Variants in CCSER1 observed in about 807,000 individuals in gnomAD.
CCSER1 encodes the protein coiled-coil serine rich protein 1, also known as serine-rich coiled-coil domain-containing protein 1.
Under a neutral mutation model 82.0 loss-of-function variants are expected in CCSER1, and 41 were observed. That is an observed-to-expected ratio of 0.50 (90% CI 0.39 to 0.65). The LOEUF (loss-of-function observed/expected upper bound fraction) is 0.65, where lower values mean the gene tolerates loss of function less well. Ranked by LOEUF, CCSER1 falls within the 30% of genes least tolerant of loss-of-function variation. The pLI is 0.00. For missense variants in CCSER1, 1,119 were observed against 1,064.2 expected, an observed-to-expected ratio of 1.05 and a Z score of -0.72; for synonymous variants, 414 against 383.9, an observed-to-expected ratio of 1.08 and a Z score of -0.92.
intron 9 of CCSER1, among the ~76,000 whole-genome samples, chr4:90,980,450 A>G (rs1736009967): frequency 6.6e-6 from 1 of 151,804 alleles, no homozygotes; most frequent in African/African-American, 2.4e-5. Context: ...AGTAAGTTAG[A>G]GAAGAAAGTT....
At chr4:90,871,480 A>T (rs1766491215) in intron 8 of CCSER1, among the ~76,000 whole-genome samples, 1 of 151,722 alleles carries the variant, frequency 6.6e-6, no homozygotes, top group Admixed American at 6.6e-5. Flanking sequence ...GTTTTCAGAG[A>T]TCCTCTTGTT....
intron 8 of CCSER1, among the ~76,000 whole-genome samples, chr4:90,905,358 CCACACACA>C (rs3043030): frequency 2.3e-4 from 34 of 150,448 alleles, no homozygotes; most frequent in East Asian, 1.4e-3. Flanking sequence ...TCTAGTCACA[CCACACACA>C]CACACACACA....
At chr4:90,683,362 A>C (rs917095325) in intron 6 of CCSER1, among the ~76,000 whole-genome samples, 1 of 152,084 alleles carries the variant, frequency 6.6e-6, no homozygotes, top group Non-Finnish European at 1.5e-5. Flanking sequence ...AAAGAGCTCA[A>C]GCTATTTTGC....
intron 4 of CCSER1, among the ~76,000 whole-genome samples, chr4:90,453,550 G>A (rs1352529182): frequency 6.6e-6 from 1 of 152,126 alleles, no homozygotes; most frequent in Non-Finnish European, 1.5e-5. Context: ...GGCAATTGTG[G>A]CTCAGCCAAT....
chr4:90,533,272 T>C (rs2153631651), intron 5 of CCSER1, among the ~76,000 whole-genome samples: 1 of 152,054 alleles, frequency 6.6e-6, no homozygotes, highest in Non-Finnish European at 1.5e-5. Context: ...TTTTTTTGTA[T>C]TTTTAGTAGA....
chr4:91,256,449 C>A (rs1246516445), intron 10 of CCSER1, among the ~76,000 whole-genome samples: 2 of 152,114 alleles, frequency 1.3e-5, no homozygotes, highest in Non-Finnish European at 2.9e-5. Flanking sequence ...ATCTCTGTGA[C>A]CCACACCCTA....
At chr4:91,376,590 T>C (rs1289071999) in intron 10 of CCSER1, among the ~76,000 whole-genome samples, 3 of 152,098 alleles carry the variant, frequency 2.0e-5, no homozygotes, top group Non-Finnish European at 4.4e-5. Context: ...ACTATCAGAA[T>C]TATGCAAATT....
intron 9 of CCSER1, among the ~76,000 whole-genome samples, chr4:91,048,549 A>G (rs866519682): frequency 6.6e-6 from 1 of 152,112 alleles, no homozygotes. Context: ...TAGAGAATCT[A>G]TATTCCCATG....
chr4:91,296,261 G>A (rs1351998209), intron 10 of CCSER1, among the ~76,000 whole-genome samples: 7 of 151,256 alleles, frequency 4.6e-5, no homozygotes, highest in Non-Finnish European at 8.9e-5. Flanking sequence ...ATTAGAAAAA[G>A]CTTTCTAAGT....
At chr4:91,482,634 C>T (rs1578580366) in intron 10 of CCSER1, among the ~76,000 whole-genome samples, 1 of 151,990 alleles carries the variant, frequency 6.6e-6, no homozygotes, top group East Asian at 1.9e-4. Flanking sequence ...GCTATAAAGA[C>T]ACATGCACAC....
intron 6 of CCSER1, among the ~76,000 whole-genome samples, chr4:90,641,671 TG>T (rs1348478635): frequency 5.9e-5 from 9 of 152,158 alleles, no homozygotes; most frequent in East Asian, 1.9e-4. Flanking sequence ...ATTTATATGA[TG>T]TCAAAATGCA....
At chr4:91,053,060 TAAAC>T (rs1450650985) in intron 9 of CCSER1, among the ~76,000 whole-genome samples, 1 of 152,150 alleles carries the variant, frequency 6.6e-6, no homozygotes, top group Non-Finnish European at 1.5e-5. Context: ...TCAGGATGAC[TAAAC>T]AAAATAGTTT....
chr4:91,390,842 A>C (rs1751602609), intron 10 of CCSER1, among the ~76,000 whole-genome samples: 1 of 151,976 alleles, frequency 6.6e-6, no homozygotes, highest in Non-Finnish European at 1.5e-5. Flanking sequence ...AGTTCATTTT[A>C]TTTAGCTTAT....
intron 9 of CCSER1, among the ~76,000 whole-genome samples, chr4:91,077,063 CA>C (rs35632353): frequency 0.1 from 15,230 of 152,136 alleles, 1,007 homozygotes; most frequent in East Asian, 0.27. Context: ...AGGCAAAGAA[CA>C]ACTGTGAGAA....
At chr4:90,291,671 G>A (rs1022521076) in intron 1 of CCSER1, among the ~76,000 whole-genome samples, 1 of 151,888 alleles carries the variant, frequency 6.6e-6, no homozygotes, top group African/African-American at 2.4e-5. Context: ...AGCTAAATTT[G>A]TTGTATCTCC....
rs370956793 is a variant in CCSER1, at chr4:91,355,192, A to G, written c.2218-243380A>G. On this transcript the variant is annotated intron_variant, in intron 10 of 10. Transcript: ENST00000509176. The stretch of plus-strand genomic sequence containing the variant: ...ACATCTCACATAAATATGATTTTTG[A>G]CAGATATACTTTTTTTTTTTAACTG... Among the ~76,000 whole-genome samples the G allele has an allele frequency of 6.5e-3, 825 of 127,716 alleles. 5 individuals are homozygous for G. Among genetic ancestry groups the G allele is most frequent in the African/African-American group, 0.022 (794 of 35,296 alleles). 83.8% of individuals were successfully genotyped at this position (127,716 alleles called of 152,430 possible). A position where few individuals can be genotyped will look rare whatever the true frequency, so the allele number is the denominator to read the frequency against.
At chr4:90,553,641 T>C (rs1363122084) in intron 5 of CCSER1, among the ~76,000 whole-genome samples, 4 of 152,170 alleles carry the variant, frequency 2.6e-5, no homozygotes, top group Non-Finnish European at 5.9e-5. Flanking sequence ...ATGTGGGAAA[T>C]AGTTAACTCA....
At chr4:90,737,368 G>A (rs571651431) in intron 7 of CCSER1, among the ~76,000 whole-genome samples, 10 of 152,076 alleles carry the variant, frequency 6.6e-5, no homozygotes, top group African/African-American at 2.4e-4. Flanking sequence ...TTATATATGA[G>A]GATATCTTTG....
intron 10 of CCSER1, among the ~76,000 whole-genome samples, chr4:91,204,231 C>T (rs185898249): frequency 6.6e-6 from 1 of 151,856 alleles, no homozygotes; most frequent in East Asian, 1.9e-4. Flanking sequence ...GCTACAATAA[C>T]AATAGAAGGC....
Sources: allele counts gnomAD v4.1 joint callset (sites outside exome capture counted in the v4.1 genomes callset), GRCh38; gene constraint gnomAD v4.1.1; transcripts MANE v1.5; gene names NCBI Gene and HGNC (gene_info 2026-07-23, HGNC 2026-07-21).